SMIM36: variants seen among roughly 807,000 people sequenced by gnomAD.
The protein encoded by SMIM36 is small integral membrane protein 36.
intron 1 of SMIM36, among the ~76,000 whole-genome samples, chr17:55,508,639 G>A (rs1355342836): frequency 6.6e-6 from 1 of 151,430 alleles, no homozygotes; most frequent in African/African-American, 2.4e-5. Flanking sequence ...AGTGAAGATG[G>A]TGGCTGAGCG....
intron 1 of SMIM36, among the ~76,000 whole-genome samples, chr17:55,486,926 G>T (rs1043609869): frequency 1.3e-5 from 2 of 152,188 alleles, no homozygotes; most frequent in Admixed American, 1.3e-4. Context: ...ATGGATGAAT[G>T]AACTCATTCA....
intron 3 of SMIM36, among the ~76,000 whole-genome samples, chr17:55,475,411 C>A (rs1909411552): frequency 6.6e-6 from 1 of 152,084 alleles, no homozygotes; most frequent in African/African-American, 2.4e-5. Flanking sequence ...CTTATGCCAC[C>A]CTCTAACTCT....
At chr17:55,518,101 T>C in the SMIM36 span, among the ~76,000 whole-genome samples, 1 of 152,134 alleles carries the variant, frequency 6.6e-6, no homozygotes, top group African/African-American at 2.4e-5. Flanking sequence ...TGGCTTACAG[T>C]TCTGGAAAAT....
At chr17:55,455,839 T>G (rs909369450) in intron 4 of SMIM36, among the ~76,000 whole-genome samples, 2 of 151,740 alleles carry the variant, frequency 1.3e-5, no homozygotes, top group East Asian at 3.9e-4. Context: ...AAAAACATGC[T>G]GGGTGCGGTG....
At chr17:55,509,054 A>C (rs1277431373) in intron 1 of SMIM36, among the ~76,000 whole-genome samples, 1 of 152,214 alleles carries the variant, frequency 6.6e-6, no homozygotes, top group Admixed American at 6.5e-5. Context: ...CTTCTGATAA[A>C]ATAAGAAACA....
At chr17:55,508,430 G>GC (rs1910118342) in intron 1 of SMIM36, among the ~76,000 whole-genome samples, 1 of 69,056 alleles carries the variant, frequency 1.4e-5, no homozygotes, top group Non-Finnish European at 2.6e-5. Context: ...ATATTCCTAG[G>GC]AATATATATA....
intron 1 of SMIM36, among the ~76,000 whole-genome samples, chr17:55,487,192 G>A (rs2143286065): frequency 6.6e-6 from 1 of 151,970 alleles, no homozygotes; most frequent in South Asian, 2.1e-4. Context: ...TCACACCCTG[G>A]GGCCTGTCAT....
intron 1 of SMIM36, among the ~76,000 whole-genome samples, chr17:55,491,642 C>T (rs935121577): frequency 1.3e-5 from 2 of 152,170 alleles, no homozygotes; most frequent in Non-Finnish European, 2.9e-5. Context: ...TCTCAGCTAA[C>T]TAAATGGGCT....
chr17:55,522,246 C>T, the SMIM36 span, among the ~76,000 whole-genome samples: 1 of 152,216 alleles, frequency 6.6e-6, no homozygotes, highest in Non-Finnish European at 1.5e-5. Context: ...ATGAGATGTT[C>T]TCCTCCGATT....
intron 1 of SMIM36, among the ~76,000 whole-genome samples, chr17:55,483,688 A>C (rs1162071183): frequency 2.0e-5 from 3 of 152,110 alleles, no homozygotes; most frequent in South Asian, 4.1e-4. Context: ...CTTGCTCTGT[A>C]CAGTGGCACA....
chr17:55,517,554 C>T, the SMIM36 span, among the ~76,000 whole-genome samples: 2 of 152,170 alleles, frequency 1.3e-5, no homozygotes. Context: ...CAGAGTGAGA[C>T]TCTGTTACAA....
chr17:55,522,758 G>C, the SMIM36 span, among the ~76,000 whole-genome samples: 6 of 152,166 alleles, frequency 3.9e-5, no homozygotes, highest in South Asian at 4.2e-4. Context: ...ATTTTCTATG[G>C]CACTTGTCCC....
chr17:55,487,519 C>T lies in SMIM36; in HGVS notation c.*175-7939G>A, dbSNP rs115648015. Among the ~76,000 whole-genome samples the T allele has an allele frequency of 3.5e-3, 536 of 152,074 alleles. 2 individuals are homozygous for T. Among genetic ancestry groups the T allele is most frequent in the African/African-American group, 0.012 (514 of 41,478 alleles). On this transcript the variant is annotated intron_variant, in intron 1 of 4. Transcript: ENST00000636752. ...ATCTCTGAAGTTGCCAGCAAAAATT[C>T]CAGAGGCTAAAAAAGGGGAGGGTTT...
At chr17:55,522,049 A>T in the SMIM36 span, among the ~76,000 whole-genome samples, 1 of 152,098 alleles carries the variant, frequency 6.6e-6, no homozygotes, top group African/African-American at 2.4e-5. Context: ...ATTTCACTCC[A>T]TCAAAAGCCA....
intron 1 of SMIM36, among the ~76,000 whole-genome samples, chr17:55,498,864 T>C (rs1043472293): frequency 6.6e-6 from 1 of 151,418 alleles, no homozygotes; most frequent in Admixed American, 6.6e-5. Flanking sequence ...GCCTGCATGG[T>C]GGCATGCACT....
chr17:55,518,861 C>T, the SMIM36 span, among the ~76,000 whole-genome samples: 2 of 151,874 alleles, frequency 1.3e-5, no homozygotes, highest in African/African-American at 4.8e-5. Context: ...CCTTGAACAG[C>T]GATGAAATCC....
chr17:55,466,681 G>T (rs1036365145), intron 4 of SMIM36, among the ~76,000 whole-genome samples: 1 of 152,110 alleles, frequency 6.6e-6, no homozygotes, highest in Non-Finnish European at 1.5e-5. Context: ...TTTCCAGGCC[G>T]AGAGAGTGGG....
At chr17:55,501,886 C>T (rs1453996208) in intron 1 of SMIM36, among the ~76,000 whole-genome samples, 1 of 89,808 alleles carries the variant, frequency 1.1e-5, no homozygotes, top group East Asian at 3.0e-4. Flanking sequence ...AGTGCGCGAG[C>T]CGAAGCAAGG....
intron 3 of SMIM36, chr17:55,468,498 A>G (rs1370905874): frequency 2.6e-5 from 4 of 153,132 alleles, no homozygotes; most frequent in Non-Finnish European, 5.9e-5. Flanking sequence ...GTGTCTGATT[A>G]TAGCGGGGAC....
Sources: allele counts gnomAD v4.1 joint callset (sites outside exome capture counted in the v4.1 genomes callset), GRCh38; gene constraint gnomAD v4.1.1; transcripts MANE v1.5; gene names NCBI Gene and HGNC (gene_info 2026-07-23, HGNC 2026-07-21).